RANBP2: variants seen among roughly 807,000 people sequenced by gnomAD.
The protein encoded by RANBP2 is E3 SUMO-protein ligase RanBP2.
RANBP2 carries 57 observed loss-of-function variants against 303.6 expected under a neutral mutation model. The observed-to-expected ratio is 0.19, with a 90% CI of 0.15 to 0.23. The LOEUF is 0.23. RANBP2 is among the 10% of genes least tolerant of loss of function. The pLI is 1.00. For missense variants in RANBP2, 3,138 were observed against 3,780.8 expected (o/e 0.83, Z 4.46); for synonymous variants, 1,167 against 1,301.5 (o/e 0.90, Z 2.23).
chr2:109,039,532 G>A, the RANBP2 span, among the ~76,000 whole-genome samples: 6 of 152,098 alleles, frequency 3.9e-5, no homozygotes, highest in Admixed American at 6.5e-5. Context: ...TGTATTTTTA[G>A]TAGAGTCAGG....
the RANBP2 span, among the ~76,000 whole-genome samples, chr2:108,795,150 A>ATTTTTT: frequency 2.6e-3 from 217 of 85,016 alleles, 7 homozygotes; most frequent in African/African-American, 4.6e-3. Context: ...TCTAAAGTGT[A>ATTTTTT]TTTTTTTTTT....
At chr2:109,133,722 ATTTTTTTTTT>A in the RANBP2 span, among the ~76,000 whole-genome samples, 1 of 128,864 alleles carries the variant, frequency 7.8e-6, no homozygotes, top group African/African-American at 2.7e-5. Context: ...CCAAGGGACA[ATTTTTTTTTT>A]TTTTTTTTTG....
the RANBP2 span, among the ~76,000 whole-genome samples, chr2:109,135,964 A>G: frequency 2.6e-5 from 4 of 152,230 alleles, no homozygotes; most frequent in African/African-American, 9.6e-5. Flanking sequence ...TTGGCAGGCT[A>G]TCCTGAAAAC....
the RANBP2 span, among the ~76,000 whole-genome samples, chr2:109,483,459 C>A: frequency 6.6e-6 from 1 of 152,190 alleles, no homozygotes; most frequent in African/African-American, 2.4e-5. Flanking sequence ...TTCTCTGAGC[C>A]AGGCCTCCCC....
chr2:109,238,238 C>CT, the RANBP2 span, among the ~76,000 whole-genome samples: 124 of 152,068 alleles, frequency 8.2e-4, 1 homozygote, highest in African/African-American at 3.0e-3. Context: ...TTTATGAAGA[C>CT]TAATTCAATA....
chr2:109,102,033 G>A, the RANBP2 span, among the ~76,000 whole-genome samples: 4 of 152,152 alleles, frequency 2.6e-5, no homozygotes, highest in Admixed American at 2.6e-4. Context: ...GGTGTATAAA[G>A]TAGCCTGCCC....
chr2:109,475,272 C>T, the RANBP2 span, among the ~76,000 whole-genome samples: 6 of 152,300 alleles, frequency 3.9e-5, no homozygotes, highest in East Asian at 5.8e-4. Context: ...CCACCACGCC[C>T]GGCTTCAGTA....
At chr2:109,266,178 C>T in the RANBP2 span, among the ~76,000 whole-genome samples, 99 of 143,052 alleles carry the variant, frequency 6.9e-4, no homozygotes, top group Middle Eastern at 3.8e-3. Flanking sequence ...GTGTGTTGTG[C>T]GTGCATGTGT....
chr2:109,499,631 A>G, the RANBP2 span, among the ~76,000 whole-genome samples: 14 of 152,296 alleles, frequency 9.2e-5, 1 homozygote, highest in East Asian at 1.4e-3. Flanking sequence ...CCGAGGGCAC[A>G]AGGCCCAACT....
At chr2:109,113,360 A>G in the RANBP2 span, among the ~76,000 whole-genome samples, 1 of 151,978 alleles carries the variant, frequency 6.6e-6, no homozygotes, top group Non-Finnish European at 1.5e-5. Context: ...GTCCCTTGTA[A>G]GTTGGATTCC....
At chr2:109,546,025 C>A in the RANBP2 span, 1 of 1,545,242 alleles carries the variant, frequency 6.5e-7, no homozygotes. Flanking sequence ...GCAGGGCTGC[C>A]AGGGAGGGTG....
the RANBP2 span, among the ~76,000 whole-genome samples, chr2:109,132,961 A>G: frequency 6.6e-6 from 1 of 152,230 alleles, no homozygotes; most frequent in Admixed American, 6.5e-5. Context: ...TTGTTTTGAA[A>G]ATTTTTTAAA....
Position 108,758,474 on chromosome 2 carries a change from C to G in RANBP2, c.2528C>G (p.Thr843Arg). Reference sequence around the variant, plus strand: ...TCAGCATCCCCTCATCGTTGGCCCACAGAGAATTATGGACCAGACTCAGTG... The same window carrying G: ...TCAGCATCCCCTCATCGTTGGCCCAGAGAGAATTATGGACCAGACTCAGTG... ...SNSASPHRWP[T>R]ENYGPDSVPD... Residue 843 changes from threonine to arginine, a missense_variant, in exon 18 of 29, where the codon ACA becomes AGA. Around this residue, in one of 20 missense-constraint regions of RANBP2, gnomAD observed 194 missense variants for 197.4 expected, o/e 0.98. Transcript: ENST00000283195. The G allele has an allele frequency of 1.2e-6, 2 of 1,611,446 alleles. No individual in the cohort carries two copies. Among genetic ancestry groups the G allele is most frequent in the Non-Finnish European group, 1.7e-6 (2 of 1,179,798 alleles).
the RANBP2 span, among the ~76,000 whole-genome samples, chr2:109,470,506 A>G: frequency 6.6e-6 from 1 of 152,112 alleles, no homozygotes; most frequent in African/African-American, 2.4e-5. Context: ...TTTTTCATCT[A>G]TTGACTTAAC....
At chr2:109,734,220 T>G in the RANBP2 span, among the ~76,000 whole-genome samples, 1 of 148,686 alleles carries the variant, frequency 6.7e-6, no homozygotes, top group Non-Finnish European at 1.5e-5. Flanking sequence ...TAGGTGAAAC[T>G]ATTTCTATTT....
the RANBP2 span, among the ~76,000 whole-genome samples, chr2:109,180,247 C>T: frequency 1.3e-5 from 2 of 152,152 alleles, no homozygotes; most frequent in Non-Finnish European, 2.9e-5. Context: ...GGGCTTCGGC[C>T]TCCTTCCTTT....
At chr2:108,933,090 T>G in the RANBP2 span, among the ~76,000 whole-genome samples, 1 of 152,198 alleles carries the variant, frequency 6.6e-6, no homozygotes, top group Admixed American at 6.6e-5. Context: ...TTCAGTTTCC[T>G]GGAACACCAA....
At chr2:109,377,455 T>C in the RANBP2 span, among the ~76,000 whole-genome samples, 2 of 152,048 alleles carry the variant, frequency 1.3e-5, no homozygotes, top group South Asian at 2.1e-4. Flanking sequence ...GAAGCAGAGC[T>C]GGAGGGGGCA....
At chr2:109,585,108 C>A in the RANBP2 span, 4 of 1,472,048 alleles carry the variant, frequency 2.7e-6, no homozygotes, top group South Asian at 5.8e-5. Flanking sequence ...TGTTTTATTA[C>A]AAGAAGAAAA....
Sources: gnomAD v4.1 joint callset for allele counts (sites outside exome capture counted in the v4.1 genomes callset) on GRCh38, gnomAD v4.1.1 for gene constraint, gnomAD v4.1.1 regional missense constraint, MANE v1.5 for transcripts, NCBI Gene and HGNC (gene_info 2026-07-23, HGNC 2026-07-21) for gene names.